Variants in PDSS2 observed in about 807,000 individuals in gnomAD.
PDSS2 encodes the protein decaprenyl diphosphate synthase subunit 2.
Under a neutral mutation model 44.5 loss-of-function variants are expected in PDSS2, and 31 were observed. That is an observed-to-expected ratio of 0.70 (90% CI 0.52 to 0.94). PDSS2 has a LOEUF of 0.94. Among genes scored for constraint, PDSS2 ranks in the 40% least tolerant of loss-of-function variants. The pLI is 0.00. For synonymous variants in PDSS2, 157 were observed against 180.3 expected (o/e 0.87, Z 1.03); for missense variants, 452 against 482.2 (o/e 0.94, Z 0.59).
At chr6:107,270,132 G>A (rs1406074348) in intron 3 of PDSS2, among the ~76,000 whole-genome samples, 2 of 151,332 alleles carry the variant, frequency 1.3e-5, no homozygotes, top group African/African-American at 2.4e-5. Flanking sequence ...TTTTGAGACC[G>A]AGATTCGCTC....
chr6:107,378,456 A>G (rs898154466), intron 1 of PDSS2, among the ~76,000 whole-genome samples: 1 of 152,302 alleles, frequency 6.6e-6, no homozygotes, highest in East Asian at 1.9e-4. Context: ...GCAATAGACA[A>G]TTGGAAACTG....
In PDSS2 at chr6:107,341,539, GAGAAA is replaced by G. The variant is rs141978046; in HGVS notation, c.297-7212_297-7208del. Among the ~76,000 whole-genome samples, 1,519 of 152,210 alleles carry G rather than the reference GAGAAA, an allele frequency of 1.0e-2. 21 individuals are homozygous for G. The highest frequency in any genetic ancestry group is 0.032 in the African/African-American group (1,331 of 41,534). On this transcript the variant is annotated intron_variant, in intron 1 of 7. Transcript: ENST00000369037. ...CTGACAGATGAGCTTTTAGGTGAGA[GAGAAA>G]AGAAAAGAAGAGAAGGGAAGGGAAT... is the stretch of plus-strand genomic sequence containing the variant.
At chr6:107,175,876 A>T (rs1771768316) in intron 7 of PDSS2, among the ~76,000 whole-genome samples, 1 of 152,176 alleles carries the variant, frequency 6.6e-6, no homozygotes, top group Admixed American at 6.6e-5. Flanking sequence ...TCCGCCACTG[A>T]GTCACAAAAC....
At chr6:107,388,307 T>C (rs1349983435) in intron 1 of PDSS2, among the ~76,000 whole-genome samples, 1 of 152,148 alleles carries the variant, frequency 6.6e-6, no homozygotes, top group African/African-American at 2.4e-5. Context: ...AAATGTAAAA[T>C]GTTAATAGCC....
chr6:107,189,499 G>A (rs559545621), intron 7 of PDSS2, among the ~76,000 whole-genome samples: 4 of 152,048 alleles, frequency 2.6e-5, no homozygotes, highest in Admixed American at 6.6e-5. Flanking sequence ...TACCACACCC[G>A]GCTAATTTTT....
intron 7 of PDSS2, among the ~76,000 whole-genome samples, chr6:107,164,383 T>C (rs953803552): frequency 6.6e-6 from 1 of 152,192 alleles, no homozygotes; most frequent in African/African-American, 2.4e-5. Context: ...GTTCTCATTG[T>C]TCAATTACCA....
intron 1 of PDSS2, among the ~76,000 whole-genome samples, chr6:107,448,088 G>C (rs1014028665): frequency 6.6e-6 from 1 of 152,112 alleles, no homozygotes; most frequent in East Asian, 1.9e-4. Context: ...GCATACAGCA[G>C]GGGGGGCTGG....
chr6:107,252,409 G>A (rs2114836792), intron 3 of PDSS2, among the ~76,000 whole-genome samples: 1 of 152,272 alleles, frequency 6.6e-6, no homozygotes. Context: ...CTTATTTGTG[G>A]GAGGGATGGC....
chr6:107,251,565 C>T (rs750702396), intron 3 of PDSS2, among the ~76,000 whole-genome samples: 1 of 152,194 alleles, frequency 6.6e-6, no homozygotes, highest in Non-Finnish European at 1.5e-5. Context: ...GCTCTTTCCT[C>T]CACCCCCAGG....
intron 2 of PDSS2, among the ~76,000 whole-genome samples, chr6:107,283,646 G>A (rs2114987605): frequency 6.6e-6 from 1 of 152,254 alleles, no homozygotes; most frequent in Admixed American, 6.5e-5. Context: ...CTTGAACCCA[G>A]GAGGCAGAGG....
At chr6:107,163,708 T>C (rs1274126275) in intron 7 of PDSS2, among the ~76,000 whole-genome samples, 2 of 152,044 alleles carry the variant, frequency 1.3e-5, no homozygotes, top group African/African-American at 4.8e-5. Flanking sequence ...GTTCCAGCGA[T>C]TCTCCTGCCT....
At chr6:107,412,454 G>C (rs1780534705) in intron 1 of PDSS2, among the ~76,000 whole-genome samples, 1 of 151,518 alleles carries the variant, frequency 6.6e-6, no homozygotes, top group African/African-American at 2.4e-5. Context: ...TGGCCAGGCT[G>C]GTCTTGAACT....
intron 1 of PDSS2, among the ~76,000 whole-genome samples, chr6:107,375,323 AC>A (rs1779253829): frequency 6.6e-6 from 1 of 152,104 alleles, no homozygotes; most frequent in African/African-American, 2.4e-5. Context: ...AACCAGATAC[AC>A]CTCTAGCCAA....
chr6:107,213,850 A>G (rs1283346084), intron 4 of PDSS2, among the ~76,000 whole-genome samples: 2 of 152,212 alleles, frequency 1.3e-5, no homozygotes, highest in African/African-American at 2.4e-5. Flanking sequence ...ATGAAAGTTT[A>G]TTCTCATAAG....
intron 1 of PDSS2, among the ~76,000 whole-genome samples, chr6:107,430,024 A>T (rs1244253931): frequency 6.7e-6 from 1 of 148,260 alleles, no homozygotes; most frequent in African/African-American, 2.5e-5. Context: ...TACCTTATTC[A>T]TTGCTAAAAT....
intron 2 of PDSS2, among the ~76,000 whole-genome samples, chr6:107,274,674 T>C (rs2114947102): frequency 6.7e-6 from 1 of 149,448 alleles, no homozygotes; most frequent in East Asian, 2.0e-4. Context: ...TCTCTTTTTT[T>C]TTTTTTTTTT....
intron 1 of PDSS2, among the ~76,000 whole-genome samples, chr6:107,443,632 T>C (rs1365936596): frequency 6.6e-6 from 1 of 152,206 alleles, no homozygotes; most frequent in Non-Finnish European, 1.5e-5. Flanking sequence ...TTCTAGCCTA[T>C]TTCTTTTGCC....
At chr6:107,425,453 T>C (rs1279730706) in intron 1 of PDSS2, among the ~76,000 whole-genome samples, 3 of 152,180 alleles carry the variant, frequency 2.0e-5, no homozygotes, top group African/African-American at 4.8e-5. Context: ...ATGAGGAACT[T>C]GTTGGGAACC....
At chr6:107,375,820 G>A (rs1223941888) in intron 1 of PDSS2, among the ~76,000 whole-genome samples, 1 of 152,166 alleles carries the variant, frequency 6.6e-6, no homozygotes, top group Non-Finnish European at 1.5e-5. Context: ...TATGTAAAAA[G>A]AATGATACAC....
Sources: gnomAD v4.1 joint callset for allele counts (sites outside exome capture counted in the v4.1 genomes callset) on GRCh38, gnomAD v4.1.1 for gene constraint, MANE v1.5 for transcripts, NCBI Gene and HGNC (gene_info 2026-07-23, HGNC 2026-07-21) for gene names.